The following VEGFC variants were observed in gnomAD, a reference collection of about 807,000 sequenced individuals.
VEGFC encodes the protein vascular endothelial growth factor C.
In VEGFC, 12 loss-of-function variants were observed where a neutral mutation model predicts 46.1. The ratio of observed to expected loss-of-function variants is 0.26; its 90% CI spans 0.17 to 0.42. The LOEUF (loss-of-function observed/expected upper bound fraction) is 0.42, where lower values mean the gene tolerates loss of function less well. VEGFC is among the 10% of genes least tolerant of loss of function. The probability of loss-of-function intolerance (pLI) is 1.00; values close to 1 mark genes in which losing one functional copy is unlikely to be tolerated. For missense variants in VEGFC, 488 were observed against 529.4 expected, an observed-to-expected ratio of 0.92 and a Z score of 0.77; for synonymous variants, 232 against 195.5, an observed-to-expected ratio of 1.19 and a Z score of -1.56.
intron 4 of VEGFC, among the ~76,000 whole-genome samples, chr4:176,692,219 C>T (rs1462158490): frequency 6.8e-6 from 1 of 147,948 alleles, no homozygotes; most frequent in African/African-American, 2.6e-5. Context: ...ACGGTGAAAC[C>T]CCGTCTCTAC....
chr4:176,705,756 T>C (rs1437439182), intron 4 of VEGFC: 1 of 152,222 alleles, frequency 6.6e-6, no homozygotes. Context: ...TATTATACTA[T>C]GCTATTCTAC....
chr4:176,716,632 C>G lies in VEGFC; in HGVS notation c.553-4982G>C, dbSNP rs56996802. The stretch of plus-strand genomic sequence containing the variant: ...GAAAAAGAAAAAAAAAGAGACCTCA[C>G]GGTGAGGGTGAATGAGAACATACAT... On this transcript the variant is annotated intron_variant, in intron 3 of 6. Coordinates refer to ENST00000618562, the MANE Select transcript of VEGFC (RefSeq NM_005429.5). Among the ~76,000 whole-genome samples, 285 of 145,832 alleles carry G rather than the reference C, an allele frequency of 2.0e-3. 3 individuals are homozygous for G. The highest frequency in any genetic ancestry group is 7.0e-3 in the African/African-American group (273 of 39,166).
At chr4:176,718,981 G>T (rs565116212) in intron 3 of VEGFC, among the ~76,000 whole-genome samples, 5 of 152,118 alleles carry the variant, frequency 3.3e-5, no homozygotes, top group Non-Finnish European at 7.4e-5. Context: ...GAAAGAGGTT[G>T]AAAAGACATC....
rs1734931012 is a variant in VEGFC, at chr4:176,729,750, T to C, written c.148-4A>G. On this transcript the variant is annotated splice_region_variant and splice_polypyrimidine_tract_variant and intron_variant, in intron 1 of 6. Coordinates refer to ENST00000618562, the MANE Select transcript of VEGFC (RefSeq NM_005429.5). ...CCAGATCTTTGCTTGCATAAGCCTGTCAAAGAAAAATGCAAGATCAATGAC... is the reference window on the plus strand; with the variant it reads ...CCAGATCTTTGCTTGCATAAGCCTGCCAAAGAAAAATGCAAGATCAATGAC... 1 of 1,562,968 alleles carries C rather than the reference T, an allele frequency of 6.4e-7. No individual in the cohort carries two copies. The highest frequency in any genetic ancestry group is 2.0e-5 in the Admixed American group (1 of 51,180).
chr4:176,765,032 A>G (rs1735594969), intron 1 of VEGFC, among the ~76,000 whole-genome samples: 1 of 152,130 alleles, frequency 6.6e-6, no homozygotes, highest in African/African-American at 2.4e-5. Flanking sequence ...ACATAGCAAG[A>G]CTCTGCCTCA....
chr4:176,784,206 A>T (rs1735962692), intron 1 of VEGFC, among the ~76,000 whole-genome samples: 1 of 151,756 alleles, frequency 6.6e-6, no homozygotes. Flanking sequence ...GTAGCTGTGA[A>T]TACAGGCACG....
chr4:176,746,161 G>A (rs1020346423), intron 1 of VEGFC, among the ~76,000 whole-genome samples: 1 of 152,018 alleles, frequency 6.6e-6, no homozygotes, highest in Admixed American at 6.6e-5. Flanking sequence ...CAAGCAAGGT[G>A]TCTCTGTGAC....
rs562185732 is a variant in VEGFC, at chr4:176,732,275, TGAAA to T, written c.148-2533_148-2530del. On this transcript the variant is annotated intron_variant, in intron 1 of 6. Coordinates refer to ENST00000618562, the MANE Select transcript of VEGFC (RefSeq NM_005429.5). Reference sequence around the variant, plus strand: ...AATACATATTGTATGATGGCAAAAGTGAAAGAAACTATAATTCTTTTCAATCCTT... The same window carrying T: ...AATACATATTGTATGATGGCAAAAGTGAAACTATAATTCTTTTCAATCCTT... 1.4e-4 allele frequency among the ~76,000 whole-genome samples: 21 copies of T among 152,068 alleles called. No individual in the cohort carries two copies. In the South Asian group the frequency reaches 4.1e-3, roughly 30 times the overall value.
intron 1 of VEGFC, among the ~76,000 whole-genome samples, chr4:176,758,218 C>G (rs1735467304): frequency 6.6e-6 from 1 of 152,074 alleles, no homozygotes; most frequent in South Asian, 2.1e-4. Flanking sequence ...TGGTTACCAG[C>G]AGCAAACAAT....
intron 1 of VEGFC, among the ~76,000 whole-genome samples, chr4:176,766,836 G>T (rs929778159): frequency 3.3e-5 from 5 of 151,850 alleles, no homozygotes; most frequent in African/African-American, 1.2e-4. Flanking sequence ...ATCAATTCCA[G>T]GTTGATCGTA....
chr4:176,712,427 A>G (rs1003065009), intron 3 of VEGFC, among the ~76,000 whole-genome samples: 7 of 152,182 alleles, frequency 4.6e-5, no homozygotes, highest in Admixed American at 1.3e-4. Context: ...CTCCAAAAAC[A>G]ATGTTTTAAA....
At chr4:176,791,331 A>C (rs1331781375) in intron 1 of VEGFC, among the ~76,000 whole-genome samples, 4 of 152,180 alleles carry the variant, frequency 2.6e-5, no homozygotes, top group Non-Finnish European at 5.9e-5. Context: ...TTTTTAGATA[A>C]AGATATACTC....
At chr4:176,687,958 G>T in intron 4 of VEGFC, 31 bp from the exon 5 acceptor site, 2 of 1,339,448 alleles carry the variant, frequency 1.5e-6, no homozygotes, top group Non-Finnish European at 2.1e-6. Flanking sequence ...GTTTAGCAAT[G>T]GTGTAACTGG....
At chr4:176,730,934 T>C (rs1734952556) in intron 1 of VEGFC, among the ~76,000 whole-genome samples, 2 of 152,122 alleles carry the variant, frequency 1.3e-5, no homozygotes, top group African/African-American at 4.8e-5. Flanking sequence ...AAAATAAAAG[T>C]CAATTATTAA....
At chr4:176,772,899 A>G (rs963981626) in intron 1 of VEGFC, among the ~76,000 whole-genome samples, 1 of 152,204 alleles carries the variant, frequency 6.6e-6, no homozygotes, top group African/African-American at 2.4e-5. Flanking sequence ...TTTATTATAA[A>G]TCATCCAGTT....
intron 1 of VEGFC, among the ~76,000 whole-genome samples, chr4:176,776,607 C>A (rs1019231229): frequency 6.6e-6 from 1 of 152,128 alleles, no homozygotes; most frequent in Non-Finnish European, 1.5e-5. Flanking sequence ...ACAGAAGAGT[C>A]GTACAAGAGA....
At chr4:176,769,434 G>A (rs542207345) in intron 1 of VEGFC, among the ~76,000 whole-genome samples, 1 of 152,152 alleles carries the variant, frequency 6.6e-6, no homozygotes, top group African/African-American at 2.4e-5. Flanking sequence ...GAACAGAGAA[G>A]TTCTAATAAC....
chr4:176,752,931 A>G (rs1415516264), intron 1 of VEGFC, among the ~76,000 whole-genome samples: 2 of 151,982 alleles, frequency 1.3e-5, no homozygotes, highest in East Asian at 3.9e-4. Context: ...AAGGACCAAA[A>G]CTATAGAATA....
intron 4 of VEGFC, among the ~76,000 whole-genome samples, chr4:176,707,856 A>T (rs1192125807): frequency 1.3e-5 from 2 of 152,094 alleles, no homozygotes; most frequent in Non-Finnish European, 2.9e-5. Context: ...AGTGGTACCT[A>T]TGTGGGCCTA....
Sources: gnomAD v4.1 joint callset for allele counts (sites outside exome capture counted in the v4.1 genomes callset) on GRCh38, gnomAD v4.1.1 for gene constraint, MANE v1.5 for transcripts, NCBI Gene and HGNC (gene_info 2026-07-23, HGNC 2026-07-21) for gene names.